The following ERC1 variants were observed in gnomAD, a reference collection of about 807,000 sequenced individuals.
ERC1 encodes the protein ELKS/RAB6-interacting/CAST family member 1.
Under a neutral mutation model 132.0 loss-of-function variants are expected in ERC1, and 56 were observed. That is an observed-to-expected ratio of 0.42 (90% CI 0.34 to 0.53). The LOEUF (loss-of-function observed/expected upper bound fraction) is 0.53, where lower values mean the gene tolerates loss of function less well. Ranked by LOEUF, ERC1 falls within the 20% of genes least tolerant of loss-of-function variation. The pLI, the probability that ERC1 is intolerant of heterozygous loss-of-function variation, is 0.03. For synonymous variants in ERC1, 478 were observed against 476.1 expected (o/e 1.00, Z -0.05); for missense variants, 1,202 against 1,349.9 (o/e 0.89, Z 1.72).
rs375020897 is a variant in ERC1, at chr12:1,110,191, G to A, written c.1162-1G>A. On this transcript the variant is annotated splice_acceptor_variant, in intron 4 of 18. Transcript: ENST00000360905. LOFTEE classifies it high-confidence loss of function. ...ATCACTAAATCTTCCATTGTCTTCA[G>A]GATTCAAAAATTTCCTCTATGGAGC... 1.2e-6 allele frequency: 2 copies of A among 1,601,854 alleles called. No individual in the cohort carries two copies. Among genetic ancestry groups the A allele is most frequent in the Non-Finnish European group, 1.7e-6 (2 of 1,176,124 alleles).
At position 1,005,206 on chromosome 12, in the gene ERC1, C is replaced by T. The variant is rs147100126; in HGVS notation, c.-157+13884C>T. 3.0e-3 allele frequency among the ~76,000 whole-genome samples: 454 copies of T among 152,152 alleles called. 1 individual carries two copies. Among genetic ancestry groups the T allele is most frequent in the African/African-American group, 9.7e-3 (401 of 41,500 alleles). On this transcript the variant is annotated intron_variant, in intron 1 of 18. Coordinates refer to ENST00000360905, the MANE Select transcript of ERC1 (RefSeq NM_178040.4). ...TCACTCTGTCACCCAGGCTGGAGTGCGGCAGTGCTATCATGGCTTACTACA... is the reference window on the plus strand; with the variant it reads ...TCACTCTGTCACCCAGGCTGGAGTGTGGCAGTGCTATCATGGCTTACTACA...
Position 1,289,841 on chromosome 12 carries a change from A to G in ERC1, c.2620-11A>G, listed in dbSNP as rs1462206837. ...GACACTCTGTTGTTCTCTTTCCCAT[A>G]TTTATGATAGGTGGAGGAGTTACTG... On this transcript the variant is annotated splice_polypyrimidine_tract_variant and intron_variant, in intron 14 of 18. Transcript: ENST00000360905. The G allele has an allele frequency of 3.1e-6, 5 of 1,611,588 alleles. No individual in the cohort carries two copies. Among genetic ancestry groups the G allele is most frequent in the Admixed American group, 1.7e-5 (1 of 59,880 alleles).
rs561659363 is a variant in ERC1, at chr12:1,172,720, T to G, written c.1738-7820T>G. Among the ~76,000 whole-genome samples the G allele has an allele frequency of 3.9e-5, 6 of 152,084 alleles. No individual in the cohort carries two copies. In the East Asian group the frequency reaches 5.8e-4, roughly 15 times the overall value. ...AGAGTTTATACAAAAAAAAAACCCA[T>G]GGGATTATAAAATGTATCCTTTTCT... On this transcript the variant is annotated intron_variant, in intron 8 of 18. Transcript: ENST00000360905.
chr12:1,359,415 T>C (rs2033107973), intron 15 of ERC1, among the ~76,000 whole-genome samples: 1 of 152,128 alleles, frequency 6.6e-6, no homozygotes, highest in Admixed American at 6.6e-5. Context: ...GACTGAGTAA[T>C]TTATAATGAA....
intron 8 of ERC1, among the ~76,000 whole-genome samples, chr12:1,154,169 C>T (rs1951092935): frequency 6.6e-6 from 1 of 150,780 alleles, no homozygotes; most frequent in Admixed American, 6.7e-5. Flanking sequence ...GACATGATTT[C>T]ATTCTTTTTT....
At chr12:1,204,633 G>C in intron 12 of ERC1, 1 of 947,886 alleles carries the variant, frequency 1.1e-6, no homozygotes, top group Non-Finnish European at 1.6e-6. Flanking sequence ...ATCTAGCTGT[G>C]AGGATAAAAT....
intron 14 of ERC1, among the ~76,000 whole-genome samples, chr12:1,281,166 G>C (rs1292483051): frequency 6.6e-6 from 1 of 151,872 alleles, no homozygotes; most frequent in Non-Finnish European, 1.5e-5. Flanking sequence ...ATCCCTACAT[G>C]GTCTGTTTTG....
At chr12:1,260,912 A>G (rs2077101938) in intron 13 of ERC1, among the ~76,000 whole-genome samples, 1 of 152,212 alleles carries the variant, frequency 6.6e-6, no homozygotes, top group Non-Finnish European at 1.5e-5. Flanking sequence ...TTATCGAGAA[A>G]GATTTTGAAC....
chr12:1,339,812 G>A (rs150019949), intron 15 of ERC1, among the ~76,000 whole-genome samples: 1 of 152,270 alleles, frequency 6.6e-6, no homozygotes, highest in Middle Eastern at 3.4e-3. Context: ...GCTGTCCTCT[G>A]TGCCTGGTTT....
chr12:1,315,170 C>T (rs1462517263), intron 15 of ERC1, among the ~76,000 whole-genome samples: 1 of 152,010 alleles, frequency 6.6e-6, no homozygotes, highest in Non-Finnish European at 1.5e-5. Context: ...CAGGTGTGCA[C>T]CACCACATTT....
intron 1 of ERC1, among the ~76,000 whole-genome samples, chr12:1,002,980 G>GT (rs1565755610): frequency 6.6e-6 from 1 of 151,198 alleles, no homozygotes; most frequent in Non-Finnish European, 1.5e-5. Context: ...GCCAGGCACC[G>GT]TGGCTCATGC....
intron 12 of ERC1, among the ~76,000 whole-genome samples, chr12:1,223,116 T>G (rs1407839877): frequency 6.6e-6 from 1 of 152,170 alleles, no homozygotes; most frequent in Non-Finnish European, 1.5e-5. Context: ...TTTGAAAATA[T>G]ATCAGAGGAG....
At chr12:1,115,260 C>G (rs2154210307) in intron 6 of ERC1, among the ~76,000 whole-genome samples, 1 of 152,132 alleles carries the variant, frequency 6.6e-6, no homozygotes, top group South Asian at 2.1e-4. Context: ...AGAAATTAAT[C>G]AATACACATA....
In ERC1 at chr12:1,371,516, A is replaced by G. The variant is rs187355672; in HGVS notation, c.2781-317A>G. 4.5e-4 allele frequency among the ~76,000 whole-genome samples: 68 copies of G among 151,548 alleles called. No homozygotes were observed. The East Asian group carries it at 0.01, about 22-fold the overall frequency. ...AATAGTAACTTCAAAGAATTGTTGG[A>G]AGGGGTGAATGATGCTGTTGGCGTT... On this transcript the variant is annotated intron_variant, in intron 15 of 18. Coordinates refer to ENST00000360905, the MANE Select transcript of ERC1 (RefSeq NM_178040.4).
At position 1,312,439 on chromosome 12, in the gene ERC1, G is replaced by C. The variant is rs141030930; in HGVS notation, c.2780+22427G>C. 5.8e-3 allele frequency among the ~76,000 whole-genome samples: 875 copies of C among 152,144 alleles called. 3 individuals carry two copies. The highest frequency in any genetic ancestry group is 8.0e-3 in the Non-Finnish European group (547 of 67,990). ...TGCAGTGGCGGGATCTCGGCTCACT[G>C]CAACCACCTCCCGGGTTTGAGTGAT... On this transcript the variant is annotated intron_variant, in intron 15 of 18. Transcript: ENST00000360905.
In ERC1 at chr12:1,485,012, G is replaced by A. The variant is rs573191225; in HGVS notation, c.3214-5081G>A. 5.3e-5 allele frequency among the ~76,000 whole-genome samples: 8 copies of A among 151,348 alleles called. No individual in the cohort carries two copies. The South Asian group carries it at 1.3e-3, about 24-fold the overall frequency. ...TTCCTCCCACCTTAGCTTCCAGAGC[G>A]GCTAGAACTAGAGGCACGCACAACC... is the stretch of plus-strand genomic sequence containing the variant. On this transcript the variant is annotated intron_variant, in intron 18 of 18. Coordinates refer to ENST00000360905, the MANE Select transcript of ERC1 (RefSeq NM_178040.4).
At chr12:1,243,118 C>G (rs530286891) in intron 13 of ERC1, among the ~76,000 whole-genome samples, 4 of 147,336 alleles carry the variant, frequency 2.7e-5, no homozygotes, top group African/African-American at 1.0e-4. Context: ...ACCCGGGAAG[C>G]GGAGCTTGCA....
intron 18 of ERC1, among the ~76,000 whole-genome samples, chr12:1,479,620 C>G (rs78626455): frequency 2.2e-3 from 339 of 152,278 alleles, no homozygotes; most frequent in African/African-American, 7.6e-3. Context: ...TTGCTACTAG[C>G]TTGTGAGATG....
At chr12:1,055,231 G>A (rs890597691) in intron 2 of ERC1, among the ~76,000 whole-genome samples, 8 of 151,666 alleles carry the variant, frequency 5.3e-5, no homozygotes, top group African/African-American at 1.7e-4. Context: ...CCAGGCTGGA[G>A]TGCAGTGGCG....
Sources: gnomAD v4.1 joint callset for allele counts (sites outside exome capture counted in the v4.1 genomes callset) on GRCh38, gnomAD v4.1.1 for gene constraint, MANE v1.5 for transcripts, NCBI Gene and HGNC (gene_info 2026-07-23, HGNC 2026-07-21) for gene names.